The following THSD7B variants were observed in gnomAD, a reference collection of about 807,000 sequenced individuals.
THSD7B encodes the protein thrombospondin type 1 domain containing 7B, also known as thrombospondin type-1 domain-containing protein 7B.
A neutral mutation model predicts 213.6 loss-of-function variants in THSD7B; 138 were observed. The observed-to-expected ratio is 0.65, with a 90% CI of 0.56 to 0.74. THSD7B has a LOEUF of 0.74. THSD7B is among the 30% of genes least tolerant of loss of function. The probability of loss-of-function intolerance (pLI) is 0.00; values close to 1 mark genes in which losing one functional copy is unlikely to be tolerated. For missense variants in THSD7B, 1,931 were observed against 1,991.5 expected, an observed-to-expected ratio of 0.97 and a Z score of 0.58; for synonymous variants, 742 against 687.0, an observed-to-expected ratio of 1.08 and a Z score of -1.25.
intron 12 of THSD7B, among the ~76,000 whole-genome samples, chr2:137,383,805 C>T (rs61676429): frequency 0.032 from 4,796 of 152,234 alleles, 275 homozygotes; most frequent in African/African-American, 0.11. Flanking sequence ...GAGTGTTTTT[C>T]CAGCTCCCTG....
chr2:137,282,123 G>A (rs1340725140), intron 12 of THSD7B, among the ~76,000 whole-genome samples: 9 of 152,016 alleles, frequency 5.9e-5, no homozygotes, highest in Non-Finnish European at 1.2e-4. Flanking sequence ...GTATCTCATT[G>A]TGGTTTTGAT....
intron 2 of THSD7B, among the ~76,000 whole-genome samples, chr2:137,047,027 TAGAAATTTGA>T (rs1686983750): frequency 6.6e-6 from 1 of 152,088 alleles, no homozygotes; most frequent in Non-Finnish European, 1.5e-5. Flanking sequence ...CCCAAAGTGG[TAGAAATTTGA>T]ATTATTAAAA....
intron 12 of THSD7B, among the ~76,000 whole-genome samples, chr2:137,346,493 T>TCTCTCC (rs200802107): frequency 2.7e-5 from 4 of 150,514 alleles, no homozygotes; most frequent in Non-Finnish European, 5.9e-5. Flanking sequence ...TCTCTCTCTC[T>TCTCTCC]CTCTCCCTCT....
intron 12 of THSD7B, among the ~76,000 whole-genome samples, chr2:137,393,764 T>G (rs1293123609): frequency 7.1e-6 from 1 of 140,992 alleles, no homozygotes; most frequent in East Asian, 2.0e-4. Context: ...TGAACTAGTT[T>G]ACAGTACCAC....
chr2:137,337,417 C>T (rs1684663054), intron 12 of THSD7B, among the ~76,000 whole-genome samples: 1 of 152,082 alleles, frequency 6.6e-6, no homozygotes, highest in Non-Finnish European at 1.5e-5. Flanking sequence ...ATTGAGGTTA[C>T]ACTTTCTTGG....
chr2:137,324,455 T>G (rs983316361), intron 12 of THSD7B, among the ~76,000 whole-genome samples: 1 of 142,692 alleles, frequency 7.0e-6, no homozygotes, highest in Non-Finnish European at 1.6e-5. Context: ...AATCAAAAAT[T>G]TCTGTGTGTT....
At chr2:137,009,854 G>A (rs929045475) in intron 2 of THSD7B, among the ~76,000 whole-genome samples, 2 of 152,202 alleles carry the variant, frequency 1.3e-5, no homozygotes. Flanking sequence ...TCCACACATT[G>A]CCAATGTTCC....
chr2:137,620,794 T>C, intron 20 of THSD7B, 68 bp downstream of exon 20: 2 of 1,338,508 alleles, frequency 1.5e-6, no homozygotes, highest in East Asian at 2.3e-5. Context: ...ATGCCATAGC[T>C]TGATAAATGG....
chr2:137,536,066 A>G (rs1031635917), intron 15 of THSD7B, among the ~76,000 whole-genome samples: 1 of 149,808 alleles, frequency 6.7e-6, no homozygotes, highest in Admixed American at 6.6e-5. Flanking sequence ...CTCCTACTCA[A>G]AACACGGCAG....
intron 12 of THSD7B, among the ~76,000 whole-genome samples, chr2:137,389,238 T>TATATATGACAAAATAATATATATATAG (rs966579222): frequency 3.2e-4 from 45 of 140,788 alleles, no homozygotes; most frequent in African/African-American, 1.2e-3. Flanking sequence ...TATATATATA[T>TATATATGACAAAATAATATATATATAG]AGAGAGAGTT....
intron 2 of THSD7B, among the ~76,000 whole-genome samples, chr2:136,987,687 C>A (rs906749824): frequency 6.6e-6 from 1 of 152,184 alleles, no homozygotes; most frequent in Non-Finnish European, 1.5e-5. Context: ...CTTGGATTAT[C>A]CCCTCGATAT....
At chr2:137,298,909 G>A (rs1683531183) in intron 12 of THSD7B, among the ~76,000 whole-genome samples, 1 of 152,216 alleles carries the variant, frequency 6.6e-6, no homozygotes, top group African/African-American at 2.4e-5. Context: ...AGTGCAGAAT[G>A]GAACTGTGGG....
At chr2:137,552,462 ATTTTTTTCC>A (rs1424977745) in intron 15 of THSD7B, among the ~76,000 whole-genome samples, 1 of 152,008 alleles carries the variant, frequency 6.6e-6, no homozygotes. Flanking sequence ...TTCAGTTATT[ATTTTTTTCC>A]TTTTTTTCCT....
At chr2:136,890,741 A>G (rs972404546) in intron 2 of THSD7B, among the ~76,000 whole-genome samples, 5 of 150,610 alleles carry the variant, frequency 3.3e-5, no homozygotes, top group African/African-American at 9.8e-5. Flanking sequence ...GGGTTTCACA[A>G]TGTTGGCCAG....
chr2:137,074,678 C>A (rs995908710), intron 3 of THSD7B, among the ~76,000 whole-genome samples: 1 of 152,138 alleles, frequency 6.6e-6, no homozygotes, highest in Admixed American at 6.6e-5. Flanking sequence ...TTCTTCCTAG[C>A]CTTGACGGTC....
intron 2 of THSD7B, among the ~76,000 whole-genome samples, chr2:137,008,483 G>A (rs1454148102): frequency 6.6e-6 from 1 of 152,154 alleles, no homozygotes; most frequent in African/African-American, 2.4e-5. Flanking sequence ...TTGAATTTAT[G>A]ACCTATTGGA....
intron 12 of THSD7B, among the ~76,000 whole-genome samples, chr2:137,365,835 A>T (rs1281549184): frequency 6.6e-6 from 1 of 152,186 alleles, no homozygotes; most frequent in Non-Finnish European, 1.5e-5. Flanking sequence ...CAGTGTGGCG[A>T]TCCCTCAGGG....
At chr2:137,081,214 G>T (rs1374622272) in intron 3 of THSD7B, among the ~76,000 whole-genome samples, 1 of 152,092 alleles carries the variant, frequency 6.6e-6, no homozygotes, top group Non-Finnish European at 1.5e-5. Context: ...GGATATAGTA[G>T]TTCGTTTCAA....
chr2:137,156,727 C>A, intron 5 of THSD7B, among the ~76,000 whole-genome samples: 1 of 152,196 alleles, frequency 6.6e-6, no homozygotes, highest in East Asian at 1.9e-4. Context: ...CTTTTTACAG[C>A]TGCACTGCCA....
Sources: allele counts gnomAD v4.1 joint callset (sites outside exome capture counted in the v4.1 genomes callset), GRCh38; gene constraint gnomAD v4.1.1; transcripts MANE v1.5; gene names NCBI Gene and HGNC (gene_info 2026-07-23, HGNC 2026-07-21).